CNBD1: variants seen among roughly 807,000 people sequenced by gnomAD.
CNBD1 encodes cyclic nucleotide binding domain containing 1, also known as cyclic nucleotide-binding domain-containing protein 1.
A neutral mutation model predicts 54.4 loss-of-function variants in CNBD1; 71 were observed. The ratio of observed to expected loss-of-function variants is 1.30; its 90% CI spans 1.08 to 1.59. The LOEUF is 1.59. CNBD1 is among the 40% of genes most tolerant of loss of function. The pLI is 0.00. For synonymous variants in CNBD1, 182 were observed against 170.7 expected, an observed-to-expected ratio of 1.07 and a Z score of -0.51; for missense variants, 659 against 518.0, an observed-to-expected ratio of 1.27 and a Z score of -2.64.
intron 2 of CNBD1, among the ~76,000 whole-genome samples, chr8:87,412,568 C>G (rs1202038682): frequency 1.3e-5 from 2 of 152,006 alleles, no homozygotes; most frequent in Admixed American, 1.3e-4. Flanking sequence ...AGAAAAATCA[C>G]CAAGAGAAAT....
chr8:87,148,928 G>T (rs1375350376), intron 4 of CNBD1, among the ~76,000 whole-genome samples: 1 of 152,126 alleles, frequency 6.6e-6, no homozygotes, highest in African/African-American at 2.4e-5. Context: ...AAAAACTCAG[G>T]CAATCTCCCT....
intron 4 of CNBD1, among the ~76,000 whole-genome samples, chr8:87,172,496 GTCTCTCTCTC>G (rs147685397): frequency 6.7e-6 from 1 of 148,856 alleles, no homozygotes; most frequent in Non-Finnish European, 1.5e-5. Context: ...GTTGTTTGAG[GTCTCTCTCTC>G]TCTCTCTCTT....
chr8:87,393,830 G>A (rs765288391), intron 2 of CNBD1, among the ~76,000 whole-genome samples: 1 of 151,764 alleles, frequency 6.6e-6, no homozygotes, highest in Non-Finnish European at 1.5e-5. Flanking sequence ...TACATTAATG[G>A]AAGAGAGACA....
At chr8:87,332,118 C>T (rs1281806460) in intron 8 of CNBD1, among the ~76,000 whole-genome samples, 2 of 152,104 alleles carry the variant, frequency 1.3e-5, no homozygotes, top group Non-Finnish European at 2.9e-5. Context: ...AAGTCTGAGG[C>T]AGGTGGATCG....
At chr8:87,147,262 T>A (rs1352996171) in intron 4 of CNBD1, among the ~76,000 whole-genome samples, 1 of 152,130 alleles carries the variant, frequency 6.6e-6, no homozygotes, top group Non-Finnish European at 1.5e-5. Flanking sequence ...ATCATCTATG[T>A]AATACCCCCT....
intron 5 of CNBD1, among the ~76,000 whole-genome samples, chr8:87,223,054 CT>C (rs34784758): frequency 0.4 from 55,324 of 137,896 alleles, 11,741 homozygotes; most frequent in Admixed American, 0.49. Context: ...TCTGATTTTT[CT>C]TTTTTTTTTT....
chr8:87,286,988 A>T (rs951149153), intron 8 of CNBD1, among the ~76,000 whole-genome samples: 10 of 152,152 alleles, frequency 6.6e-5, no homozygotes, highest in African/African-American at 2.2e-4. Context: ...ACTAGAGGGT[A>T]TAGCCACTCA....
intron 4 of CNBD1, among the ~76,000 whole-genome samples, chr8:87,078,103 A>G (rs1009000620): frequency 2.0e-5 from 3 of 152,164 alleles, no homozygotes; most frequent in Non-Finnish European, 4.4e-5. Flanking sequence ...CCTTCAGTCT[A>G]TTGTAGGAGT....
chr8:87,035,545 CA>C (rs1323713893), intron 4 of CNBD1, among the ~76,000 whole-genome samples: 1 of 152,168 alleles, frequency 6.6e-6, no homozygotes, highest in Non-Finnish European at 1.5e-5. Flanking sequence ...AGGTTCAAAG[CA>C]GATACAATCT....
intron 4 of CNBD1, among the ~76,000 whole-genome samples, chr8:86,957,876 T>C (rs920408207): frequency 2.6e-5 from 4 of 152,202 alleles, no homozygotes; most frequent in African/African-American, 9.6e-5. Context: ...TGCTAGCTTT[T>C]GAATGTGTTT....
chr8:87,376,437 G>A (rs1249925337), intron 10 of CNBD1, among the ~76,000 whole-genome samples: 2 of 151,850 alleles, frequency 1.3e-5, no homozygotes, highest in South Asian at 2.1e-4. Flanking sequence ...TTGGACGTTA[G>A]GATTTCAACC....
At chr8:87,222,812 T>C (rs1489722515) in intron 5 of CNBD1, among the ~76,000 whole-genome samples, 1 of 152,146 alleles carries the variant, frequency 6.6e-6, no homozygotes, top group Non-Finnish European at 1.5e-5. Flanking sequence ...TTTAATGCCT[T>C]CTGTTCATTA....
intron 2 of CNBD1, among the ~76,000 whole-genome samples, chr8:87,399,026 C>T (rs1009664374): frequency 8.6e-5 from 13 of 151,976 alleles, no homozygotes; most frequent in African/African-American, 2.7e-4. Context: ...CCCTACCCCA[C>T]GCAACTCCTA....
chr8:87,191,495 A>G (rs888950726), intron 4 of CNBD1, among the ~76,000 whole-genome samples: 1 of 152,152 alleles, frequency 6.6e-6, no homozygotes, highest in Non-Finnish European at 1.5e-5. Flanking sequence ...CCAGCCATCT[A>G]GGCATTGCTC....
chr8:87,354,610 T>C (rs112275165), intron 10 of CNBD1, among the ~76,000 whole-genome samples: 3,583 of 151,130 alleles, frequency 0.024, 141 homozygotes, highest in African/African-American at 0.079. Context: ...CCTGTGTCCA[T>C]GTGTTCTCAT....
intron 1 of CNBD1, among the ~76,000 whole-genome samples, chr8:86,873,994 C>T (rs1185652874): frequency 6.6e-6 from 1 of 152,114 alleles, no homozygotes; most frequent in African/African-American, 2.4e-5. Flanking sequence ...TAATCTAATC[C>T]TTGGACCCCA....
chr8:86,907,239 A>G (rs139059146), intron 3 of CNBD1, among the ~76,000 whole-genome samples: 289 of 152,288 alleles, frequency 1.9e-3, no homozygotes, highest in African/African-American at 6.5e-3. Flanking sequence ...TCTCTAAATT[A>G]TATCATATCC....
intron 2 of CNBD1, among the ~76,000 whole-genome samples, chr8:86,890,070 A>G (rs1408255550): frequency 2.0e-5 from 3 of 152,146 alleles, no homozygotes; most frequent in African/African-American, 4.8e-5. Flanking sequence ...TATGTTTAAT[A>G]TATCCATCAC....
intron 5 of CNBD1, among the ~76,000 whole-genome samples, chr8:87,226,998 C>T (rs1054728281): frequency 6.6e-6 from 1 of 151,164 alleles, no homozygotes; most frequent in Non-Finnish European, 1.5e-5. Context: ...TATGTAATGG[C>T]CTTCTTTGTC....
Sources: allele counts gnomAD v4.1 joint callset (sites outside exome capture counted in the v4.1 genomes callset), GRCh38; gene constraint gnomAD v4.1.1; transcripts MANE v1.5; gene names NCBI Gene and HGNC (gene_info 2026-07-23, HGNC 2026-07-21).